The following MYO9A variants were observed in gnomAD, a reference collection of about 807,000 sequenced individuals.
MYO9A encodes unconventional myosin-IXa.
A neutral mutation model predicts 293.3 loss-of-function variants in MYO9A; 103 were observed. That is an observed-to-expected ratio of 0.35 (90% CI 0.30 to 0.41). The LOEUF (loss-of-function observed/expected upper bound fraction) is 0.41, where lower values mean the gene tolerates loss of function less well. MYO9A is among the 10% of genes least tolerant of loss of function. The pLI, the probability that MYO9A is intolerant of heterozygous loss-of-function variation, is 1.00. For synonymous variants in MYO9A, 1,001 were observed against 1,035.7 expected, an observed-to-expected ratio of 0.97 and a Z score of 0.64; for missense variants, 2,685 against 3,033.0, an observed-to-expected ratio of 0.89 and a Z score of 2.69.
chr15:71,968,901 T>C (rs1347149893), intron 12 of MYO9A, among the ~76,000 whole-genome samples: 2 of 152,202 alleles, frequency 1.3e-5, no homozygotes, highest in Admixed American at 6.5e-5. Context: ...TGAAAAATAA[T>C]GTGACATGAG....
intron 15 of MYO9A, among the ~76,000 whole-genome samples, chr15:71,945,644 C>T (rs2058894203): frequency 6.6e-6 from 1 of 151,996 alleles, no homozygotes. Context: ...GAGCACTTTT[C>T]CTTAAATAGG....
chr15:71,883,728 C>G lies in MYO9A; in HGVS notation c.5264G>C (p.Arg1755Thr), dbSNP rs1567228088. ...KASDSDIRPQ[R>T]AKMRFWAKGK... ...TTTGGCCCAGAATCTCATCTTAGCT[C>G]TCTGAGGTCTGTTTAAAGAAATAAA... Residue 1755 changes from arginine to threonine, a missense_variant, in exon 28 of 42, where the codon AGA becomes ACA. Coordinates refer to ENST00000356056, the MANE Select transcript of MYO9A (RefSeq NM_006901.4). 4 of 1,609,476 alleles carry G rather than the reference C, an allele frequency of 2.5e-6. No homozygotes were observed. Among genetic ancestry groups the G allele is most frequent in the Non-Finnish European group, 2.5e-6 (3 of 1,178,562 alleles).
chr15:71,952,753 A>T (rs116368285), intron 14 of MYO9A, among the ~76,000 whole-genome samples: 2,647 of 152,344 alleles, frequency 0.017, 83 homozygotes, highest in African/African-American at 0.06. Context: ...AATAATATAG[A>T]GGCAAATTAA....
chr15:72,035,368 C>T (rs2078011483), intron 2 of MYO9A, among the ~76,000 whole-genome samples: 1 of 151,796 alleles, frequency 6.6e-6, no homozygotes, highest in Non-Finnish European at 1.5e-5. Context: ...TTGAAAATAA[C>T]GAAATGTCCA....
At chr15:71,952,784 A>G (rs1011118995) in intron 14 of MYO9A, among the ~76,000 whole-genome samples, 3 of 152,244 alleles carry the variant, frequency 2.0e-5, no homozygotes, top group Non-Finnish European at 2.9e-5. Flanking sequence ...AAAATGAACT[A>G]AAGTTCTATT....
At chr15:71,951,350 T>C (rs759763037) in intron 15 of MYO9A, among the ~76,000 whole-genome samples, 1 of 152,188 alleles carries the variant, frequency 6.6e-6, no homozygotes, top group Non-Finnish European at 1.5e-5. Flanking sequence ...GATAATTTCA[T>C]GGGTGCCTAC....
intron 11 of MYO9A, among the ~76,000 whole-genome samples, chr15:71,980,975 T>A (rs2076256843): frequency 6.6e-6 from 1 of 152,226 alleles, no homozygotes; most frequent in Non-Finnish European, 1.5e-5. Context: ...TATCAGAAAA[T>A]CATTTTCTAC....
chr15:71,998,565 C>CTTTTTTTTTTTTTTTT (rs11443228), intron 9 of MYO9A, among the ~76,000 whole-genome samples: 2 of 140,078 alleles, frequency 1.4e-5, no homozygotes, highest in Non-Finnish European at 3.1e-5. Flanking sequence ...TTTTTTTTGT[C>CTTTTTTTTTTTTTTTT]TTTTTTTTTC....
chr15:72,105,806 G>A (rs975827770), intron 1 of MYO9A, among the ~76,000 whole-genome samples: 7 of 151,952 alleles, frequency 4.6e-5, no homozygotes, highest in Non-Finnish European at 7.4e-5. Context: ...CATGCCCTGC[G>A]GGGAAAGCTT....
At chr15:72,086,975 AG>A (rs1280358516) in intron 1 of MYO9A, among the ~76,000 whole-genome samples, 1 of 152,110 alleles carries the variant, frequency 6.6e-6, no homozygotes, top group Non-Finnish European at 1.5e-5. Context: ...CATGTTGGTC[AG>A]GTTGGTGTCA....
At chr15:71,973,473 A>T (rs2076063170) in intron 12 of MYO9A, among the ~76,000 whole-genome samples, 1 of 152,192 alleles carries the variant, frequency 6.6e-6, no homozygotes, top group African/African-American at 2.4e-5. Context: ...TGTAGGACAC[A>T]GGGCTCACTA....
At chr15:72,053,277 G>A (rs560519729) in intron 1 of MYO9A, among the ~76,000 whole-genome samples, 26 of 151,962 alleles carry the variant, frequency 1.7e-4, no homozygotes, top group Middle Eastern at 3.4e-3. Context: ...AGGGTGCTGC[G>A]TGCCTGTAAT....
At chr15:71,960,532 A>C (rs912737984) in intron 13 of MYO9A, 1 of 162,784 alleles carries the variant, frequency 6.1e-6, no homozygotes, top group African/African-American at 2.4e-5. Context: ...TTTTCTTTAT[A>C]AGTTGCCCAG....
intron 6 of MYO9A, among the ~76,000 whole-genome samples, chr15:72,017,007 A>T (rs911119949): frequency 2.8e-5 from 4 of 142,864 alleles, no homozygotes; most frequent in African/African-American, 1.0e-4. Flanking sequence ...TCAGAGCCCA[A>T]ATCTTTTTTT....
chr15:71,826,074 A>C lies in MYO9A; in HGVS notation c.*506T>G, dbSNP rs2054486708. 6.7e-6 allele frequency: 1 copy of C among 149,026 alleles called. No homozygotes were observed. Among genetic ancestry groups the C allele is most frequent in the South Asian group, 2.1e-4 (1 of 4,718 alleles). The allele number at this position is 149,026 out of a possible 1,614,324, so 9.2% of individuals were successfully genotyped here. A position where few individuals can be genotyped will look rare whatever the true frequency, so the allele number is the denominator to read the frequency against. On this transcript the variant is annotated 3_prime_UTR_variant, in exon 42 of 42. Transcript: ENST00000356056. ...GGAGTGTTTTTTCAGAAATCTTAAA[A>C]TAGAGGGATTAGGCTTTTTGTTTGT...
rs992854784 is a variant in MYO9A, at chr15:71,822,538, T to C, written c.*4042A>G. ...AATCATTCTTCTTATAGAATTATTC[T>C]ATTAAACAGTAAAATGTTATATTTC... On this transcript the variant is annotated 3_prime_UTR_variant, in exon 42 of 42. Coordinates refer to ENST00000356056, the MANE Select transcript of MYO9A (RefSeq NM_006901.4). 1.3e-5 allele frequency: 2 copies of C among 152,254 alleles called. No individual in the cohort carries two copies. Among genetic ancestry groups the C allele is most frequent in the Non-Finnish European group, 2.9e-5 (2 of 68,048 alleles). 9.4% of individuals were successfully genotyped at this position (152,254 alleles called of 1,614,324 possible).
intron 2 of MYO9A, among the ~76,000 whole-genome samples, chr15:72,034,983 TG>T (rs1346224598): frequency 6.6e-6 from 1 of 152,232 alleles, no homozygotes; most frequent in Non-Finnish European, 1.5e-5. Flanking sequence ...ATAAGTTATA[TG>T]GGTGGCAAAT....
intron 1 of MYO9A, among the ~76,000 whole-genome samples, chr15:72,082,600 G>A (rs2079580838): frequency 6.6e-6 from 1 of 152,058 alleles, no homozygotes; most frequent in African/African-American, 2.4e-5. Context: ...CAGTGATGGA[G>A]GGCATTCTTG....
rs371497387 is a variant in MYO9A at position 71,849,113 on chromosome 15, G to C, written c.6714-145C>G. ...TTGATAAACTCAGAGACAAGGTTTA[G>C]AATGGTGGTTCACAACTTTGGCTGC... On this transcript the variant is annotated intron_variant, in intron 38 of 41. Transcript: ENST00000356056. 19 of 831,364 alleles carry C rather than the reference G, an allele frequency of 2.3e-5. No individual in the cohort carries two copies. In the African/African-American group the frequency reaches 2.6e-4, roughly 11 times the overall value. 51.5% of individuals were successfully genotyped at this position (831,364 alleles called of 1,614,324 possible).
Sources: allele counts gnomAD v4.1 joint callset (sites outside exome capture counted in the v4.1 genomes callset), GRCh38; gene constraint gnomAD v4.1.1; transcripts MANE v1.5; gene names NCBI Gene and HGNC (gene_info 2026-07-23, HGNC 2026-07-21).